The following GRK1 variants were observed in gnomAD, a reference collection of about 807,000 sequenced individuals.
The protein encoded by GRK1 is G protein-coupled receptor kinase 1, also known as rhodopsin kinase GRK1.
A neutral mutation model predicts 41.7 loss-of-function variants in GRK1; 28 were observed. That is an observed-to-expected ratio of 0.67 (90% CI 0.50 to 0.92). GRK1 has a LOEUF of 0.92. Among genes scored for constraint, GRK1 ranks in the 40% least tolerant of loss-of-function variants. The pLI, the probability that GRK1 is intolerant of heterozygous loss-of-function variation, is 0.00. For synonymous variants in GRK1, 327 were observed against 286.7 expected (o/e 1.14, Z -1.42); for missense variants, 703 against 671.2 (o/e 1.05, Z -0.52).
chr13:113,653,067 A>G, the GRK1 span: 4 of 1,608,412 alleles, frequency 2.5e-6, no homozygotes, highest in South Asian at 1.1e-5. Flanking sequence ...GCTGCTGGAG[A>G]GTAGCCTGCA....
chr13:113,658,287 G>A, the GRK1 span: 15 of 672,390 alleles, frequency 2.2e-5, no homozygotes, highest in Non-Finnish European at 3.4e-5. Flanking sequence ...AGAGGCCAGG[G>A]CCGTTTATCA....
rs1389246927 is a variant in GRK1 at position 113,723,168 on chromosome 13, G to C, written c.1069+11G>C. ...ACGCAGGGACCCCAGGTAAGGGTCT[G>C]AGCGCAGCTGGGGAGGCTCCGTGCA... On this transcript the variant is annotated intron_variant, in intron 4 of 6. Coordinates refer to ENST00000335678, the MANE Select transcript of GRK1 (RefSeq NM_002929.3). 5 of 700,386 alleles carry C rather than the reference G, an allele frequency of 7.1e-6. No individual in the cohort carries two copies. The highest frequency in any genetic ancestry group is 1.3e-5 in the Non-Finnish European group (5 of 382,770). 43.4% of individuals were successfully genotyped at this position (700,386 alleles called of 1,614,324 possible).
At chr13:113,653,159 C>T in the GRK1 span, 18 of 1,489,372 alleles carry the variant, frequency 1.2e-5, no homozygotes, top group Admixed American at 1.2e-4. Context: ...GCCCTGAGTG[C>T]GAGTTTCTCA....
chr13:113,727,848 C>T (rs1232239931), intron 4 of GRK1, among the ~76,000 whole-genome samples: 12 of 97,298 alleles, frequency 1.2e-4, no homozygotes, highest in African/African-American at 1.7e-4. Flanking sequence ...GTACCCATGG[C>T]GATGAGGAGT....
In GRK1 at chr13:113,731,219, G is replaced by T. The variant is rs1239336689; in HGVS notation, c.1070G>T (p.Gly357Val). 2 of 1,536,920 alleles carry T rather than the reference G, an allele frequency of 1.3e-6. No individual in the cohort carries two copies. Among genetic ancestry groups the T allele is most frequent in the Non-Finnish European group, 8.7e-7 (1 of 1,146,764 alleles). The change falls in exon 5 of 7, where the codon GGT becomes GTT. Residue 357 changes from glycine (G) to valine (V), a missense_variant and splice_region_variant. Physicochemically the swap from Gly to Val is moderately radical, Grantham distance 109. Coordinates refer to ENST00000335678, the MANE Select transcript of GRK1 (RefSeq NM_002929.3). This position sits in a 1 kb window ranked among gnomAD's most constrained non-coding sequence, Gnocchi z 5.6. ...AACCCGCAATGTCCCTTGCTGGCAGGTTTCATGGCCCCCGAGCTCCTGCAG... is the reference window on the plus strand; with the variant it reads ...AACCCGCAATGTCCCTTGCTGGCAGTTTTCATGGCCCCCGAGCTCCTGCAG... ...SKTKGYAGTP[G>V]FMAPELLQGE...
intron 3 of GRK1, among the ~76,000 whole-genome samples, chr13:113,672,235 G>A (rs992427065): frequency 6.7e-6 from 1 of 150,160 alleles, no homozygotes; most frequent in African/African-American, 2.5e-5. Context: ...CATATGGTGT[G>A]TATGTGTGTG....
At chr13:113,733,634 CTCATGT>C (rs2049958181) in intron 6 of GRK1, among the ~76,000 whole-genome samples, 1 of 132,374 alleles carries the variant, frequency 7.6e-6, no homozygotes, top group African/African-American at 3.0e-5. Flanking sequence ...TACGTGTGTG[CTCATGT>C]ATGTGTGCAT....
In GRK1 at chr13:113,735,506, C is replaced by A. The variant is rs1297152355; in HGVS notation, c.*143C>A. 4 of 933,702 alleles carry A rather than the reference C, an allele frequency of 4.3e-6. No homozygotes were observed. The highest frequency in any genetic ancestry group is 2.9e-5 in the East Asian group (1 of 34,940). 57.8% of individuals were successfully genotyped at this position (933,702 alleles called of 1,614,324 possible). A position where few individuals can be genotyped will look rare whatever the true frequency, so the allele number is the denominator to read the frequency against. Reference sequence around the variant, plus strand: ...AGGTCCCCATCACGCCATCTCCTTGCGGCCCAAGGAGGAGAAAGCCCACAT... The same window carrying A: ...AGGTCCCCATCACGCCATCTCCTTGAGGCCCAAGGAGGAGAAAGCCCACAT... On this transcript the variant is annotated 3_prime_UTR_variant, in exon 7 of 7. Transcript: ENST00000335678.
chr13:113,728,265 G>T (rs2140727341), intron 4 of GRK1, among the ~76,000 whole-genome samples: 1 of 119,244 alleles, frequency 8.4e-6, no homozygotes, highest in South Asian at 2.7e-4. Context: ...GAGTACCCAT[G>T]GCGATGAGGA....
At chr13:113,653,466 C>T in the GRK1 span, 4 of 1,582,624 alleles carry the variant, frequency 2.5e-6, no homozygotes, top group African/African-American at 5.4e-5. Context: ...CTTAGCGTCT[C>T]CAAATGCTCA....
Position 113,732,906 on chromosome 13 carries a change from A to T in GRK1, c.1217A>T (p.His406Leu). ...CAGGTGGAGAACAAGGAGCTGAAGC[A>T]CCGGATCATCTCAGAGCCCGTGAAG... Reference protein sequence around the residue: ...GEKVENKELKHRIISEPVKYP... With the variant: ...GEKVENKELKLRIISEPVKYP... Residue 406 changes from histidine to leucine, a missense_variant, in exon 6 of 7, where the codon CAC becomes CTC. By Grantham distance (99) the His-to-Leu change is moderately conservative. Transcript: ENST00000335678. The T allele has an allele frequency of 6.5e-7, 1 of 1,536,762 alleles. No individual in the cohort carries two copies. Among genetic ancestry groups the T allele is most frequent in the South Asian group, 1.2e-5 (1 of 84,052 alleles).
At chr13:113,653,668 G>A in the GRK1 span, among the ~76,000 whole-genome samples, 1 of 152,122 alleles carries the variant, frequency 6.6e-6, no homozygotes, top group Non-Finnish European at 1.5e-5. Flanking sequence ...GCCATGGTGG[G>A]GGGTGGGGGG....
chr13:113,650,783 G>A, the GRK1 span, among the ~76,000 whole-genome samples: 5 of 152,164 alleles, frequency 3.3e-5, no homozygotes, highest in African/African-American at 1.2e-4. This position sits in a 1 kb window ranked among gnomAD's most constrained non-coding sequence, Gnocchi z 5.0. Context: ...GTGAAGCTGG[G>A]AGGCGGCTTG....
intron 6 of GRK1, chr13:113,734,669 C>T (rs1446547519): frequency 6.0e-6 from 1 of 165,656 alleles, no homozygotes; most frequent in Non-Finnish European, 1.3e-5. Context: ...TGCCTGGGGT[C>T]TGGGGTCTGC....
chr13:113,663,586 T>C (rs112958964), upstream of GRK1, among the ~76,000 whole-genome samples: 730 of 152,332 alleles, frequency 4.8e-3, 6 homozygotes, highest in African/African-American at 0.017. Context: ...CTATCTGATA[T>C]TGATAGAATC....
intron 2 of GRK1, among the ~76,000 whole-genome samples, chr13:113,670,163 C>G (rs746363084): frequency 6.6e-6 from 1 of 152,132 alleles, no homozygotes; most frequent in Non-Finnish European, 1.5e-5. Flanking sequence ...TAAATGAAGA[C>G]GAACTTCACC....
Position 113,733,894 on chromosome 13 carries a change from T to TGTGC in GRK1, c.1396+812_1396+813insCGTG, listed in dbSNP as rs759212622. Among the ~76,000 whole-genome samples, 254 of 119,852 alleles carry TGTGC rather than the reference T, an allele frequency of 2.1e-3. 3 individuals are homozygous for TGTGC. Among genetic ancestry groups the TGTGC allele is most frequent in the Non-Finnish European group, 3.3e-3 (202 of 60,970 alleles). 78.6% of individuals were successfully genotyped at this position (119,852 alleles called of 152,430 possible). A position where few individuals can be genotyped will look rare whatever the true frequency, so the allele number is the denominator to read the frequency against. On this transcript the variant is annotated intron_variant, in intron 6 of 6. Transcript: ENST00000335678. The stretch of plus-strand genomic sequence containing the variant: ...GCGTGTGTGCATACGTGTGTGCGTG[T>TGTGC]GTGTATGTGTGCATACAGTGTGCGT...
chr13:113,669,963 G>T, intron 2 of GRK1, 149 bp downstream of exon 2: 1 of 978,840 alleles, frequency 1.0e-6, no homozygotes. Flanking sequence ...TCCCCTTCTC[G>T]CTGTTGGTTC....
At position 113,735,281 on chromosome 13, in the gene GRK1, A is replaced by T; in HGVS notation, c.1610A>T (p.Asp537Val). The change falls in exon 7 of 7, where the codon GAC (aspartate) becomes GTC (valine). Residue 537 changes from aspartate (D) to valine (V), a missense_variant. Asp to Val is a radical substitution (Grantham distance 152, BLOSUM62 -3). Coordinates refer to ENST00000335678, the MANE Select transcript of GRK1 (RefSeq NM_002929.3). ...IFGELNVWRS[D>V]GQMPDDMKGI... ...GGCGAGCTGAACGTGTGGCGCTCGGACGGTCAGATGCCGGACGACATGAAG... is the reference window on the plus strand; with the variant it reads ...GGCGAGCTGAACGTGTGGCGCTCGGTCGGTCAGATGCCGGACGACATGAAG... 2.0e-6 allele frequency: 3 copies of T among 1,535,400 alleles called. No individual in the cohort carries two copies. The highest frequency in any genetic ancestry group is 2.6e-6 in the Non-Finnish European group (3 of 1,145,776).
Sources: allele counts gnomAD v4.1 joint callset (sites outside exome capture counted in the v4.1 genomes callset), GRCh38; gene constraint gnomAD v4.1.1; non-coding constraint Gnocchi (gnomAD v3.1); transcripts MANE v1.5; gene names NCBI Gene and HGNC (gene_info 2026-07-23, HGNC 2026-07-21).